Variants in ANKRD27 observed in about 807,000 individuals in gnomAD.
The protein encoded by ANKRD27 is ankyrin repeat domain 27, also known as ankyrin repeat domain-containing protein 27.
Under a neutral mutation model 129.7 loss-of-function variants are expected in ANKRD27, and 112 were observed. The observed-to-expected ratio is 0.86, with a 90% confidence interval of 0.74 to 1.01. ANKRD27 has a LOEUF of 1.01. ANKRD27 is among the 50% of genes least tolerant of loss of function. The pLI, the probability that ANKRD27 is intolerant of heterozygous loss-of-function variation, is 0.00. For missense variants in ANKRD27, 1,258 were observed against 1,300.5 expected (o/e 0.97, Z 0.50); for synonymous variants, 516 against 511.2 (o/e 1.01, Z -0.13).
chr19:32,658,120 G>A (rs1171575024), intron 2 of ANKRD27, among the ~76,000 whole-genome samples: 4 of 152,144 alleles, frequency 2.6e-5, no homozygotes, highest in Non-Finnish European at 4.4e-5. Context: ...AAGTAAAGTC[G>A]CCCCACGGGA....
intron 1 of ANKRD27, among the ~76,000 whole-genome samples, chr19:32,665,456 A>ATT (rs111572108): frequency 2.9e-5 from 3 of 104,248 alleles, no homozygotes; most frequent in African/African-American, 8.0e-5. Flanking sequence ...CACCAGGCTA[A>ATT]TTTTTGTTTG....
intron 11 of ANKRD27, 108 bp from the exon 12 acceptor site, chr19:32,639,596 G>T: frequency 1.7e-6 from 2 of 1,181,516 alleles, no homozygotes; most frequent in Non-Finnish European, 1.2e-6. Flanking sequence ...CAGTTGGTTC[G>T]CTCAGGAAGC....
At chr19:32,663,195 G>C (rs1967679965) in intron 1 of ANKRD27, among the ~76,000 whole-genome samples, 1 of 152,166 alleles carries the variant, frequency 6.6e-6, no homozygotes, top group African/African-American at 2.4e-5. Context: ...CCCACATGAT[G>C]AAAGGCCATG....
At chr19:32,653,716 T>TCGAGG (rs556213508) in intron 2 of ANKRD27, among the ~76,000 whole-genome samples, 3,517 of 92,516 alleles carry the variant, frequency 0.038, 76 homozygotes, top group East Asian at 0.18. Context: ...GGAAGGCGCT[T>TCGAGG]CGAGGCGTGG....
intron 1 of ANKRD27, among the ~76,000 whole-genome samples, chr19:32,663,912 C>T (rs1214853062): frequency 6.6e-6 from 1 of 150,840 alleles, no homozygotes; most frequent in Admixed American, 6.6e-5. Flanking sequence ...AAAAATTAGC[C>T]GGGCGTAGTG....
At chr19:32,658,036 G>A (rs367971481) in intron 2 of ANKRD27, among the ~76,000 whole-genome samples, 46 of 152,174 alleles carry the variant, frequency 3.0e-4, no homozygotes, top group African/African-American at 1.1e-3. Context: ...CCGAGAGGCC[G>A]CTGAGAACCT....
chr19:32,640,684 T>G (rs1264254077), intron 10 of ANKRD27, among the ~76,000 whole-genome samples: 2 of 152,118 alleles, frequency 1.3e-5, no homozygotes, highest in African/African-American at 4.8e-5. Flanking sequence ...GGAGAATTGC[T>G]TGAGGCCAGG....
At chr19:32,665,822 C>T (rs1193785633) in intron 1 of ANKRD27, among the ~76,000 whole-genome samples, 2 of 151,874 alleles carry the variant, frequency 1.3e-5, no homozygotes, top group Admixed American at 6.6e-5. Flanking sequence ...AGTACAGTGG[C>T]GCAATATTGG....
chr19:32,658,469 C>A (rs1167143767), intron 2 of ANKRD27, among the ~76,000 whole-genome samples: 2 of 152,204 alleles, frequency 1.3e-5, no homozygotes, highest in Non-Finnish European at 2.9e-5. Context: ...TTTGGAAAAA[C>A]CTTTCAAAGC....
intron 1 of ANKRD27, among the ~76,000 whole-genome samples, chr19:32,664,617 A>AAAT (rs3042684): frequency 0.2 from 26,087 of 128,060 alleles, 2,920 homozygotes; most frequent in East Asian, 0.33. Context: ...CTCCATCCCC[A>AAAT]AATAATAATA....
intron 1 of ANKRD27, among the ~76,000 whole-genome samples, chr19:32,669,816 G>C (rs2145329914): frequency 6.6e-6 from 1 of 152,136 alleles, no homozygotes; most frequent in Admixed American, 6.6e-5. Flanking sequence ...GGCCAAAATG[G>C]TGAAACCCCG....
intron 4 of ANKRD27, among the ~76,000 whole-genome samples, chr19:32,645,464 G>A (rs1474945801): frequency 1.3e-5 from 2 of 151,746 alleles, no homozygotes; most frequent in African/African-American, 2.4e-5. Flanking sequence ...TTGGAGATAG[G>A]GTCTTGTTCT....
chr19:32,644,458 T>G lies in ANKRD27; in HGVS notation c.392A>C (p.Asp131Ala). 6.2e-7 allele frequency: 1 copy of G among 1,613,834 alleles called. No homozygotes were observed. The stretch of plus-strand genomic sequence containing the variant: ...TTCAATGGTTTTCAGGGAAAAGGGA[T>G]CTGAGGGTGCCAAAGGCTCTTCTGA... Reference protein sequence around the residue: ...ESSEEPLAPSDPFSLKTIEDV... With the variant: ...ESSEEPLAPSAPFSLKTIEDV... The change falls in exon 5 of 29, where the codon GAT becomes GCT. Residue 131 changes from aspartate (D) to alanine (A), a missense_variant. Physicochemically the swap from Asp to Ala is moderately radical, Grantham distance 126. Coordinates refer to ENST00000306065, the MANE Select transcript of ANKRD27 (RefSeq NM_032139.3).
chr19:32,648,255 G>A (rs1277291011), intron 3 of ANKRD27, among the ~76,000 whole-genome samples: 1 of 151,286 alleles, frequency 6.6e-6, no homozygotes, highest in Non-Finnish European at 1.5e-5. Flanking sequence ...GACAGAGTGA[G>A]ACTCCGCCTC....
At chr19:32,604,467 G>T in intron 24 of ANKRD27, 43 bp from the exon 25 acceptor site, 1 of 1,551,676 alleles carries the variant, frequency 6.4e-7, no homozygotes, top group South Asian at 1.2e-5. Flanking sequence ...GCTACGAAAC[G>T]TCAGCATGGA....
At chr19:32,667,832 CAAA>C (rs10667176) in intron 1 of ANKRD27, among the ~76,000 whole-genome samples, 1 of 134,912 alleles carries the variant, frequency 7.4e-6, no homozygotes. Context: ...AACTCCGTCT[CAAA>C]AAAAAAAAAA....
intron 2 of ANKRD27, among the ~76,000 whole-genome samples, chr19:32,658,248 G>C (rs1967579829): frequency 6.6e-6 from 1 of 152,170 alleles, no homozygotes; most frequent in African/African-American, 2.4e-5. Context: ...GTGTCCCCCA[G>C]TGCCGTCTAA....
At chr19:32,616,977 C>T (rs894506020) in intron 21 of ANKRD27, among the ~76,000 whole-genome samples, 4 of 152,220 alleles carry the variant, frequency 2.6e-5, no homozygotes, top group Non-Finnish European at 5.9e-5. Flanking sequence ...TGAGCCCACA[C>T]TCTGTGCCTC....
chr19:32,639,828 C>T (rs1394181678), intron 11 of ANKRD27, among the ~76,000 whole-genome samples: 1 of 152,192 alleles, frequency 6.6e-6, no homozygotes, highest in Admixed American at 6.5e-5. Context: ...GAAATGTAAG[C>T]TCTCCGGGCC....
Sources: allele counts gnomAD v4.1 joint callset (sites outside exome capture counted in the v4.1 genomes callset), GRCh38; gene constraint gnomAD v4.1.1; transcripts MANE v1.5; gene names NCBI Gene and HGNC (gene_info 2026-07-23, HGNC 2026-07-21).